GRIA4: variants seen among roughly 807,000 people sequenced by gnomAD.
GRIA4 encodes glutamate ionotropic receptor AMPA type subunit 4.
A neutral mutation model predicts 104.0 loss-of-function variants in GRIA4; 34 were observed. That is an observed-to-expected ratio of 0.33 (90% CI 0.25 to 0.44). The LOEUF (loss-of-function observed/expected upper bound fraction) is 0.44, where lower values mean the gene tolerates loss of function less well. Ranked by LOEUF, GRIA4 falls within the 20% of genes least tolerant of loss-of-function variation. The pLI, the probability that GRIA4 is intolerant of heterozygous loss-of-function variation, is 1.00. For missense variants in GRIA4, 750 were observed against 1,096.5 expected (o/e 0.68, Z 4.46); for synonymous variants, 386 against 381.9 (o/e 1.01, Z -0.13).
intron 4 of GRIA4, among the ~76,000 whole-genome samples, chr11:105,793,630 A>G (rs931204055): frequency 2.6e-5 from 4 of 152,192 alleles, no homozygotes; most frequent in Non-Finnish European, 4.4e-5. Context: ...ATTTGGAAGC[A>G]GTGATTCAGC....
intron 3 of GRIA4, among the ~76,000 whole-genome samples, chr11:105,666,880 C>T (rs187539420): frequency 5.4e-4 from 82 of 151,650 alleles, no homozygotes; most frequent in Admixed American, 2.6e-3. Context: ...TTATGAAGTT[C>T]TTAAGTATCT....
intron 4 of GRIA4, among the ~76,000 whole-genome samples, chr11:105,839,282 T>G (rs1944304053): frequency 6.6e-6 from 1 of 152,202 alleles, no homozygotes; most frequent in Non-Finnish European, 1.5e-5. Flanking sequence ...GTAGGATACC[T>G]GCCTCCTTTG....
At chr11:105,712,091 G>A (rs1953931842) in intron 3 of GRIA4, among the ~76,000 whole-genome samples, 2 of 151,766 alleles carry the variant, frequency 1.3e-5, no homozygotes. Context: ...TATGTTAAAG[G>A]TTATTAATCA....
At chr11:105,956,457 A>G (rs1331306759) in intron 14 of GRIA4, among the ~76,000 whole-genome samples, 1 of 152,196 alleles carries the variant, frequency 6.6e-6, no homozygotes, top group Admixed American at 6.5e-5. Context: ...TTATGGCTGC[A>G]TAGTATTCAA....
chr11:105,799,188 G>A (rs1463563858), intron 4 of GRIA4, among the ~76,000 whole-genome samples: 1 of 152,098 alleles, frequency 6.6e-6, no homozygotes, highest in East Asian at 1.9e-4. Context: ...GTATCAAATG[G>A]TTTTAAGGGA....
chr11:105,678,208 CTAA>C (rs1322865204), intron 3 of GRIA4, among the ~76,000 whole-genome samples: 7 of 152,014 alleles, frequency 4.6e-5, no homozygotes, highest in East Asian at 1.9e-4. Context: ...ATTTGGGTCA[CTAA>C]TAATAAGAAA....
At chr11:105,771,808 T>C (rs1342122704) in intron 4 of GRIA4, among the ~76,000 whole-genome samples, 2 of 152,054 alleles carry the variant, frequency 1.3e-5, no homozygotes, top group African/African-American at 2.4e-5. Flanking sequence ...AGATGAACCA[T>C]GTAGCCTTAT....
intron 3 of GRIA4, among the ~76,000 whole-genome samples, chr11:105,615,240 C>T (rs1057306182): frequency 1.3e-5 from 2 of 151,814 alleles, no homozygotes; most frequent in Admixed American, 1.3e-4. Flanking sequence ...TTATTTAATG[C>T]TGGTTCATCT....
chr11:105,921,307 GT>G (rs1188890092), intron 11 of GRIA4, among the ~76,000 whole-genome samples: 179 of 24,400 alleles, frequency 7.3e-3, no homozygotes, highest in Middle Eastern at 0.067. Context: ...CCACACTTGG[GT>G]GTGTGTGTGT....
At chr11:105,852,597 T>G (rs1424238915) in intron 4 of GRIA4, among the ~76,000 whole-genome samples, 1 of 152,198 alleles carries the variant, frequency 6.6e-6, no homozygotes, top group African/African-American at 2.4e-5. Context: ...TGTATTTAGA[T>G]AATCACCTCA....
chr11:105,928,549 T>C (rs1190541996), intron 13 of GRIA4, among the ~76,000 whole-genome samples: 2 of 126,330 alleles, frequency 1.6e-5, no homozygotes, highest in African/African-American at 5.4e-5. Context: ...CTCCCATCCA[T>C]ATAAGTAAGC....
At chr11:105,867,447 G>T (rs1398310864) in intron 5 of GRIA4, among the ~76,000 whole-genome samples, 1 of 152,118 alleles carries the variant, frequency 6.6e-6, no homozygotes, top group African/African-American at 2.4e-5. Context: ...TTTATCTAGA[G>T]TTTTCATTTA....
At chr11:105,761,094 T>C (rs1940620258) in intron 4 of GRIA4, among the ~76,000 whole-genome samples, 1 of 152,164 alleles carries the variant, frequency 6.6e-6, no homozygotes, top group African/African-American at 2.4e-5. Flanking sequence ...TGGTCACAGA[T>C]TTGTCAATTT....
At chr11:105,864,408 A>G (rs2136028594) in intron 5 of GRIA4, among the ~76,000 whole-genome samples, 1 of 152,318 alleles carries the variant, frequency 6.6e-6, no homozygotes, top group Admixed American at 6.5e-5. Flanking sequence ...AAGATAGCAA[A>G]AGAAAACAAT....
intron 14 of GRIA4, among the ~76,000 whole-genome samples, chr11:105,962,674 A>T (rs920033694): frequency 4.6e-5 from 7 of 152,180 alleles, no homozygotes; most frequent in Admixed American, 2.0e-4. Flanking sequence ...TCGCTAAGGC[A>T]TACAAGGCAA....
intron 4 of GRIA4, among the ~76,000 whole-genome samples, chr11:105,779,992 G>A (rs554107834): frequency 2.0e-5 from 3 of 152,264 alleles, no homozygotes; most frequent in Admixed American, 2.0e-4. Flanking sequence ...AAGGGTAAAA[G>A]TATTAAGATA....
chr11:105,656,496 T>A (rs1293063546), intron 3 of GRIA4, among the ~76,000 whole-genome samples: 3 of 151,972 alleles, frequency 2.0e-5, no homozygotes, highest in Non-Finnish European at 4.4e-5. Context: ...CCAAAAGCAA[T>A]GCCAACAAAA....
At chr11:105,917,817 T>TGTGG (rs756702358) in intron 10 of GRIA4, among the ~76,000 whole-genome samples, 30 of 85,696 alleles carry the variant, frequency 3.5e-4, no homozygotes, top group African/African-American at 1.2e-3. Context: ...GGTTTAAGGG[T>TGTGG]GTGTGTGTGT....
intron 4 of GRIA4, among the ~76,000 whole-genome samples, chr11:105,758,157 A>C (rs1252964393): frequency 6.6e-6 from 1 of 151,994 alleles, no homozygotes; most frequent in East Asian, 1.9e-4. Flanking sequence ...GGTAGGGAGC[A>C]TCTCTTAGCC....
Sources: gnomAD v4.1 joint callset for allele counts (sites outside exome capture counted in the v4.1 genomes callset) on GRCh38, gnomAD v4.1.1 for gene constraint, MANE v1.5 for transcripts, NCBI Gene and HGNC (gene_info 2026-07-23, HGNC 2026-07-21) for gene names.